EML4: variants seen among roughly 807,000 people sequenced by gnomAD.
The protein encoded by EML4 is EMAP like 4.
EML4 carries 72 observed loss-of-function variants against 129.0 expected under a neutral mutation model. The ratio of observed to expected loss-of-function variants is 0.56; its 90% CI spans 0.46 to 0.68. The LOEUF (loss-of-function observed/expected upper bound fraction) is 0.68, where lower values mean the gene tolerates loss of function less well. Ranked by LOEUF, EML4 falls within the 30% of genes least tolerant of loss-of-function variation. The pLI is 0.00. For synonymous variants in EML4, 532 were observed against 405.0 expected, an observed-to-expected ratio of 1.31 and a Z score of -3.77; for missense variants, 1,363 against 1,190.6, an observed-to-expected ratio of 1.14 and a Z score of -2.13.
chr2:42,279,767 C>T (rs955940618), intron 6 of EML4, among the ~76,000 whole-genome samples: 9 of 136,240 alleles, frequency 6.6e-5, no homozygotes, highest in Non-Finnish European at 1.1e-4. Flanking sequence ...AGCCACCGCG[C>T]CCGGCTGTCT....
chr2:42,294,170 G>GA (rs1667815366), intron 11 of EML4, among the ~76,000 whole-genome samples: 2 of 152,146 alleles, frequency 1.3e-5, no homozygotes, highest in African/African-American at 4.8e-5. Context: ...TCATTTTAAT[G>GA]AAAAAACTAG....
intron 19 of EML4, among the ~76,000 whole-genome samples, chr2:42,319,290 AAG>A (rs1185136618): frequency 6.6e-6 from 1 of 152,198 alleles, no homozygotes; most frequent in East Asian, 1.9e-4. Context: ...ACTGATCCAG[AAG>A]AGAGAGCAAT....
intron 19 of EML4, 73 bp downstream of exon 19, chr2:42,317,597 C>T (rs190279159): frequency 1.1e-4 from 106 of 991,620 alleles, no homozygotes; most frequent in Admixed American, 4.9e-4. Context: ...ATTTTTACAT[C>T]GATGTGTGTG....
intron 3 of EML4, among the ~76,000 whole-genome samples, chr2:42,258,411 ATT>A (rs1358091005): frequency 8.0e-6 from 1 of 124,998 alleles, no homozygotes; most frequent in Non-Finnish European, 1.7e-5. Flanking sequence ...ATATATATAT[ATT>A]TTTTGAGATG....
At chr2:42,276,688 T>C (rs1019673010) in intron 6 of EML4, among the ~76,000 whole-genome samples, 1 of 152,234 alleles carries the variant, frequency 6.6e-6, no homozygotes, top group African/African-American at 2.4e-5. Flanking sequence ...TCACTTATAA[T>C]TCCAAACAGT....
chr2:42,237,141 C>T (rs1167484620), intron 1 of EML4, among the ~76,000 whole-genome samples: 1 of 151,996 alleles, frequency 6.6e-6, no homozygotes, highest in Non-Finnish European at 1.5e-5. Flanking sequence ...TGCCATGTTG[C>T]CCAGGCTGGT....
intron 6 of EML4, among the ~76,000 whole-genome samples, chr2:42,268,069 C>A (rs746537509): frequency 1.3e-5 from 2 of 152,064 alleles, no homozygotes; most frequent in Admixed American, 1.3e-4. Flanking sequence ...TTCTAATAAA[C>A]AAAATGATAC....
intron 3 of EML4, among the ~76,000 whole-genome samples, chr2:42,257,591 T>A (rs973993907): frequency 6.6e-6 from 1 of 152,110 alleles, no homozygotes; most frequent in Non-Finnish European, 1.5e-5. Flanking sequence ...ATCCCAGCAC[T>A]TTGGGAGGCT....
intron 2 of EML4, 29 bp from the exon 3 acceptor site, chr2:42,256,472 A>T (rs1176235303): frequency 4.5e-6 from 7 of 1,569,022 alleles, no homozygotes; most frequent in Admixed American, 2.0e-5. Context: ...TTCAAATTTG[A>T]TATAATTTTT....
chr2:42,187,934 T>A (rs758354321), intron 1 of EML4, among the ~76,000 whole-genome samples: 5 of 152,196 alleles, frequency 3.3e-5, no homozygotes, highest in Non-Finnish European at 5.9e-5. Flanking sequence ...TAACCCAGGG[T>A]CACAAAGATT....
chr2:42,276,758 G>A (rs912503142), intron 6 of EML4, among the ~76,000 whole-genome samples: 2 of 152,152 alleles, frequency 1.3e-5, no homozygotes, highest in African/African-American at 4.8e-5. Flanking sequence ...TTAACAAAGC[G>A]TGAAGCTAAG....
At chr2:42,311,097 C>T (rs1279021762) in intron 17 of EML4, among the ~76,000 whole-genome samples, 1 of 152,172 alleles carries the variant, frequency 6.6e-6, no homozygotes, top group African/African-American at 2.4e-5. Context: ...TAGTCACTAT[C>T]TCTAACCAGT....
At chr2:42,260,668 T>G (rs1490785596) in intron 3 of EML4, among the ~76,000 whole-genome samples, 1 of 152,154 alleles carries the variant, frequency 6.6e-6, no homozygotes, top group African/African-American at 2.4e-5. Flanking sequence ...CTTGGTAAGT[T>G]TAAAACTCAA....
At chr2:42,208,538 T>C (rs1266748628) in intron 1 of EML4, among the ~76,000 whole-genome samples, 2 of 151,384 alleles carry the variant, frequency 1.3e-5, no homozygotes, top group Non-Finnish European at 2.9e-5. Context: ...GAGTTCAAGC[T>C]ATTCTCCTGC....
intron 17 of EML4, among the ~76,000 whole-genome samples, chr2:42,314,671 T>A (rs192652695): frequency 2.6e-5 from 4 of 152,220 alleles, no homozygotes; most frequent in African/African-American, 7.2e-5. Flanking sequence ...TGTTCACTTA[T>A]TCATTCTGCA....
At chr2:42,307,486 G>A (rs1572730605) in intron 17 of EML4, among the ~76,000 whole-genome samples, 1 of 152,128 alleles carries the variant, frequency 6.6e-6, no homozygotes, top group African/African-American at 2.4e-5. Context: ...GTTAGGTTCT[G>A]TTGATCCTTG....
At chr2:42,170,831 G>T (rs182678177) in intron 1 of EML4, among the ~76,000 whole-genome samples, 5 of 152,368 alleles carry the variant, frequency 3.3e-5, no homozygotes, top group African/African-American at 9.6e-5. Context: ...TCAGTGAGCA[G>T]TCTGGCCATA....
At chr2:42,233,550 G>A (rs1278008667) in intron 1 of EML4, among the ~76,000 whole-genome samples, 3 of 151,228 alleles carry the variant, frequency 2.0e-5, no homozygotes, top group African/African-American at 2.4e-5. Context: ...CTCATGATCC[G>A]CCTGCCTCAG....
chr2:42,302,490 G>A (rs1196305032), intron 14 of EML4, among the ~76,000 whole-genome samples: 4 of 151,372 alleles, frequency 2.6e-5, no homozygotes, highest in African/African-American at 9.7e-5. Flanking sequence ...AACAAAACCC[G>A]ACCACATTCT....
Sources: allele counts gnomAD v4.1 joint callset (sites outside exome capture counted in the v4.1 genomes callset), GRCh38; gene constraint gnomAD v4.1.1; transcripts MANE v1.5; gene names NCBI Gene and HGNC (gene_info 2026-07-23, HGNC 2026-07-21).